The following VPS37D variants were observed in gnomAD, a reference collection of about 807,000 sequenced individuals.
VPS37D encodes VPS37D subunit of ESCRT-I, also known as vacuolar protein sorting-associated protein 37D.
A neutral mutation model predicts 22.0 loss-of-function variants in VPS37D; 5 were observed. That is an observed-to-expected ratio of 0.23 (90% CI 0.12 to 0.48). VPS37D has a LOEUF of 0.48. Ranked by LOEUF, VPS37D falls within the 20% of genes least tolerant of loss-of-function variation. VPS37D has a pLI of 0.99. For synonymous variants in VPS37D, 174 were observed against 159.3 expected (o/e 1.09, Z -0.69); for missense variants, 384 against 345.8 (o/e 1.11, Z -0.88).
Position 73,671,287 on chromosome 7 carries a change from C to T in VPS37D, c.667C>T (p.Pro223Ser). The T allele has an allele frequency of 1.4e-6, 2 of 1,437,912 alleles. No homozygotes were observed. Among genetic ancestry groups the T allele is most frequent in the Non-Finnish European group, 1.8e-6 (2 of 1,098,548 alleles). The allele number at this position is 1,437,912 out of a possible 1,614,324, so 89.1% of individuals were successfully genotyped here. The change falls in exon 4 of 4, where the codon CCC becomes TCC. Residue 223 changes from proline (P) to serine (S), a missense_variant. Physicochemically the swap from Pro to Ser is moderately conservative, Grantham distance 74 (BLOSUM62 -1). Coordinates refer to ENST00000324941, the MANE Select transcript of VPS37D (RefSeq NM_001077621.2). ...GCCCCCCTTGGACTCCCGCCCAGTGCCCCCACTGAAGGGCTCCCCCGGGTG... is the reference window on the plus strand; with the variant it reads ...GCCCCCCTTGGACTCCCGCCCAGTGTCCCCACTGAAGGGCTCCCCCGGGTG... Reference protein sequence around the residue: ...SLPPLDSRPVPPLKGSPGCPL... With the variant: ...SLPPLDSRPVSPLKGSPGCPL...
Position 73,667,985 on chromosome 7 carries a change from G to C in VPS37D, c.27G>C (p.Ala9=). Residue 9 remains alanine, a synonymous_variant, in exon 1 of 4, where the codon GCG becomes GCC. Coordinates refer to ENST00000324941, the MANE Select transcript of VPS37D (RefSeq NM_001077621.2). ...TGTACCGGGCCCGGGCGGCGCGGGC[G>C]GGGCCGGAGCCCGGCAGCCCGGGGC... MYRARAAR[A]GPEPGSPGRF... 9.2e-6 allele frequency: 10 copies of C among 1,091,332 alleles called. No individual in the cohort carries two copies. Among genetic ancestry groups the C allele is most frequent in the Non-Finnish European group, 1.1e-5 (10 of 896,384 alleles). The allele number at this position is 1,091,332 out of a possible 1,614,324, so 67.6% of individuals were successfully genotyped here.
upstream of VPS37D, among the ~76,000 whole-genome samples, chr7:73,667,025 T>G: frequency 6.8e-6 from 1 of 146,472 alleles, no homozygotes; most frequent in Admixed American, 7.1e-5. Flanking sequence ...CAGCCTGGAG[T>G]GCAGTGGCGC....
chr7:73,671,283 A>C lies in VPS37D; in HGVS notation c.663A>C (p.Pro221=), dbSNP rs1554609738. ...PRSLPPLDSR[P]VPPLKGSPGC... is the part of the protein sequence containing the mutation. ...GCCTGCCCCCCTTGGACTCCCGCCC[A>C]GTGCCCCCACTGAAGGGCTCCCCCG... The change falls in exon 4 of 4, where the codon CCA becomes CCC. Residue 221 remains proline, a synonymous_variant. Coordinates refer to ENST00000324941, the MANE Select transcript of VPS37D (RefSeq NM_001077621.2). 1 of 1,428,118 alleles carries C rather than the reference A, an allele frequency of 7.0e-7. No homozygotes were observed. The highest frequency in any genetic ancestry group is 2.5e-5 in the Admixed American group (1 of 39,342). 88.5% of individuals were successfully genotyped at this position (1,428,118 alleles called of 1,614,324 possible).
At position 73,671,255 on chromosome 7, in the gene VPS37D, G is replaced by T; in HGVS notation, c.635G>T (p.Arg212Leu). The T allele has an allele frequency of 6.6e-7, 1 of 1,513,842 alleles. No homozygotes were observed. Among genetic ancestry groups the T allele is most frequent in the African/African-American group, 1.4e-5 (1 of 71,718 alleles). 93.8% of individuals were successfully genotyped at this position (1,513,842 alleles called of 1,614,324 possible). ...GAARGPPAVPRSLPPLDSRPV... is the reference protein window; with the variant it reads ...GAARGPPAVPLSLPPLDSRPV... ...GCCCGGGGGCCACCAGCAGTGCCCCGGAGCCTGCCCCCCTTGGACTCCCGC... is the reference window on the plus strand; with the variant it reads ...GCCCGGGGGCCACCAGCAGTGCCCCTGAGCCTGCCCCCCTTGGACTCCCGC... The change falls in exon 4 of 4, where the codon CGG (arginine) becomes CTG (leucine). Residue 212 changes from arginine (R) to leucine (L), a missense_variant. By Grantham distance (102) the Arg-to-Leu change is moderately radical. Transcript: ENST00000324941.
chr7:73,671,080 G>A lies in VPS37D; in HGVS notation c.460G>A (p.Gly154Ser). The change falls in exon 4 of 4, where the codon GGC becomes AGC. Residue 154 changes from glycine to serine, a missense_variant. Gly to Ser is a moderately conservative substitution (Grantham distance 56). Coordinates refer to ENST00000324941, the MANE Select transcript of VPS37D (RefSeq NM_001077621.2). Reference protein sequence around the residue: ...LEAFLPAFQRGRALAHLRRTQ... With the variant: ...LEAFLPAFQRSRALAHLRRTQ... ...GGCCTTCCTGCCTGCCTTCCAGCGT[G>A]GCCGCGCCCTGGCCCACCTGAGGCG... 1 of 1,611,530 alleles carries A rather than the reference G, an allele frequency of 6.2e-7. No homozygotes were observed. The highest frequency in any genetic ancestry group is 8.5e-7 in the Non-Finnish European group (1 of 1,179,702).
chr7:73,668,109 G>A lies in VPS37D; in HGVS notation c.138+13G>A. On this transcript the variant is annotated intron_variant, in intron 1 of 3. Coordinates refer to ENST00000324941, the MANE Select transcript of VPS37D (RefSeq NM_001077621.2). The stretch of plus-strand genomic sequence containing the variant: ...GCTCAGCAGGAAGGTAGCGCGGGGG[G>A]CTCGAGCGGGGGGCGCGGGGGACGG... 9.2e-7 allele frequency: 1 copy of A among 1,089,470 alleles called. No individual in the cohort carries two copies. The highest frequency in any genetic ancestry group is 1.1e-6 in the Non-Finnish European group (1 of 889,146). The allele number at this position is 1,089,470 out of a possible 1,614,324, so 67.5% of individuals were successfully genotyped here. A position where few individuals can be genotyped will look rare whatever the true frequency, so the allele number is the denominator to read the frequency against.
upstream of VPS37D, among the ~76,000 whole-genome samples, chr7:73,666,906 C>T (rs559746543): frequency 7.2e-5 from 11 of 151,918 alleles, no homozygotes; most frequent in African/African-American, 1.4e-4. Context: ...GGACTACAGA[C>T]GCATGCCACC....
upstream of VPS37D, among the ~76,000 whole-genome samples, chr7:73,666,345 A>T (rs1797371119): frequency 6.6e-6 from 1 of 152,180 alleles, no homozygotes; most frequent in Admixed American, 6.5e-5. Context: ...TGCTCTGTGG[A>T]CACTGTACAA....
chr7:73,671,457 G>A lies in VPS37D; in HGVS notation c.*81G>A, dbSNP rs1275948403. 6 of 676,296 alleles carry A rather than the reference G, an allele frequency of 8.9e-6. No individual in the cohort carries two copies. Among genetic ancestry groups the A allele is most frequent in the African/African-American group, 5.7e-5 (3 of 52,462 alleles). 41.9% of individuals were successfully genotyped at this position (676,296 alleles called of 1,614,324 possible). ...CTCCTCCTCCCCCACTGCCTGGGTG[G>A]GGGGAGGGGCAGGCCCCTCCCCCTG... On this transcript the variant is annotated 3_prime_UTR_variant, in exon 4 of 4. Transcript: ENST00000324941.
upstream of VPS37D, among the ~76,000 whole-genome samples, chr7:73,667,134 G>A (rs1554608795): frequency 6.6e-6 from 1 of 151,774 alleles, no homozygotes; most frequent in African/African-American, 2.4e-5. Context: ...CACCACGCCC[G>A]GCTAATTTTT....
In VPS37D at chr7:73,671,198, T is replaced by G; in HGVS notation, c.578T>G (p.Phe193Cys). The change falls in exon 4 of 4, where the codon TTC becomes TGC. Residue 193 changes from phenylalanine (F) to cysteine (C), a missense_variant. By Grantham distance (205) the Phe-to-Cys change is radical. Coordinates refer to ENST00000324941, the MANE Select transcript of VPS37D (RefSeq NM_001077621.2). Reference protein sequence around the residue: ...PTSAADPPKSFPAAAVLPTGA... With the variant: ...PTSAADPPKSCPAAAVLPTGA... ...TCGGCTGCTGATCCCCCCAAATCCTTCCCGGCTGCAGCTGTCCTGCCCACT... is the reference window on the plus strand; with the variant it reads ...TCGGCTGCTGATCCCCCCAAATCCTGCCCGGCTGCAGCTGTCCTGCCCACT... The G allele has an allele frequency of 6.3e-7, 1 of 1,594,088 alleles. No homozygotes were observed. Among genetic ancestry groups the G allele is most frequent in the Non-Finnish European group, 8.5e-7 (1 of 1,172,414 alleles).
At chr7:73,668,877 G>C (rs1797441201) in intron 1 of VPS37D, among the ~76,000 whole-genome samples, 1 of 152,046 alleles carries the variant, frequency 6.6e-6, no homozygotes. Flanking sequence ...AGAGGAAGGG[G>C]TGGGAAGGGA....
chr7:73,671,754 G>A lies in VPS37D; in HGVS notation c.*378G>A, dbSNP rs372321917. On this transcript the variant is annotated 3_prime_UTR_variant, in exon 4 of 4. Transcript: ENST00000324941. ...CGCACCCCACCACTCCACTGGGCTC[G>A]CACAACGCCAAGGCCGCCAGGAGTG... 5.2e-5 allele frequency: 8 copies of A among 153,538 alleles called. No homozygotes were observed. The East Asian group carries it at 7.7e-4, about 15-fold the overall frequency. 9.5% of individuals were successfully genotyped at this position (153,538 alleles called of 1,614,324 possible). A position where few individuals can be genotyped will look rare whatever the true frequency, so the allele number is the denominator to read the frequency against.
intron 2 of VPS37D, among the ~76,000 whole-genome samples, 176 bp from the exon 3 acceptor site, chr7:73,669,844 G>T (rs1187606393): frequency 1.3e-5 from 2 of 152,206 alleles, no homozygotes; most frequent in Non-Finnish European, 2.9e-5. Context: ...CTAGGACGAG[G>T]AGCAGAAACT....
chr7:73,671,066 C>T lies in VPS37D; in HGVS notation c.446C>T (p.Pro149Leu). The change falls in exon 4 of 4, where the codon CCT becomes CTT. Residue 149 changes from proline to leucine, a missense_variant. Coordinates refer to ENST00000324941, the MANE Select transcript of VPS37D (RefSeq NM_001077621.2). ...LGEQSLEAFL[P>L]AFQRGRALAH... ...GAGCAAAGCCTGGAGGCCTTCCTGCCTGCCTTCCAGCGTGGCCGCGCCCTG... is the reference window on the plus strand; with the variant it reads ...GAGCAAAGCCTGGAGGCCTTCCTGCTTGCCTTCCAGCGTGGCCGCGCCCTG... The T allele has an allele frequency of 1.9e-6, 3 of 1,612,168 alleles. No homozygotes were observed. Among genetic ancestry groups the T allele is most frequent in the South Asian group, 1.1e-5 (1 of 91,048 alleles).
At chr7:73,670,213 C>A in intron 3 of VPS37D, 111 bp downstream of exon 3, 1 of 1,496,122 alleles carries the variant, frequency 6.7e-7, no homozygotes, top group Non-Finnish European at 9.0e-7. Context: ...GGGAAGTCCA[C>A]CCTGAATGCC....
At chr7:73,665,974 C>T (rs1295873399), upstream of VPS37D, among the ~76,000 whole-genome samples, 1 of 152,142 alleles carries the variant, frequency 6.6e-6, no homozygotes, top group Non-Finnish European at 1.5e-5. Flanking sequence ...CCTCAGCCTC[C>T]TGAGCAGCTG....
Position 73,669,600 on chromosome 7 carries a change from C to G in VPS37D, c.310+10C>G. On this transcript the variant is annotated intron_variant, in intron 2 of 3. Transcript: ENST00000324941. ...AAGCTGCAGCGACTGGGTGAGGGCA[C>G]GTCTGGGAGAACCCCCTGGGGCTGG... The G allele has an allele frequency of 6.3e-7, 1 of 1,582,274 alleles. No homozygotes were observed. Among genetic ancestry groups the G allele is most frequent in the Non-Finnish European group, 8.6e-7 (1 of 1,163,262 alleles).
chr7:73,669,259 T>C (rs1466671136), intron 1 of VPS37D, among the ~76,000 whole-genome samples, 160 bp from the exon 2 acceptor site: 3 of 152,178 alleles, frequency 2.0e-5, no homozygotes, highest in Non-Finnish European at 2.9e-5. Context: ...TCCCGGCCTG[T>C]CATCGTCCCT....
Sources: gnomAD v4.1 joint callset for allele counts (sites outside exome capture counted in the v4.1 genomes callset) on GRCh38, gnomAD v4.1.1 for gene constraint, MANE v1.5 for transcripts, NCBI Gene and HGNC (gene_info 2026-07-23, HGNC 2026-07-21) for gene names.